The following CCNY variants were observed in gnomAD, a reference collection of about 807,000 sequenced individuals.
CCNY encodes cyclin-Y.
A neutral mutation model predicts 42.8 loss-of-function variants in CCNY; 19 were observed. That is an observed-to-expected ratio of 0.44 (90% CI 0.31 to 0.65). The LOEUF (loss-of-function observed/expected upper bound fraction) is 0.65. Ranked by LOEUF, CCNY falls within the 30% of genes least tolerant of loss-of-function variation. The pLI is 0.07. For missense variants in CCNY, 370 were observed against 437.3 expected (o/e 0.85, Z 1.37); for synonymous variants, 165 against 162.7 (o/e 1.01, Z -0.11).
At chr10:35,398,605 TGTC>T (rs1278278289) in intron 1 of CCNY, among the ~76,000 whole-genome samples, 7 of 152,142 alleles carry the variant, frequency 4.6e-5, no homozygotes, top group Admixed American at 2.0e-4. Flanking sequence ...GTTCTCGAGA[TGTC>T]ATTGTGTAAT....
intron 1 of CCNY, among the ~76,000 whole-genome samples, chr10:35,367,667 G>C (rs539184239): frequency 5.3e-5 from 8 of 152,332 alleles, no homozygotes; most frequent in Non-Finnish European, 8.8e-5. Flanking sequence ...ACACCTTCCT[G>C]CTGCTGCCTG....
chr10:35,281,771 T>G (rs1835301129), intron 3 of CCNY, among the ~76,000 whole-genome samples: 1 of 152,184 alleles, frequency 6.6e-6, no homozygotes, highest in Admixed American at 6.6e-5. Flanking sequence ...GAGGAACTAC[T>G]GATACATGCT....
At chr10:35,453,963 TA>T (rs1838975318) in intron 1 of CCNY, among the ~76,000 whole-genome samples, 1 of 152,230 alleles carries the variant, frequency 6.6e-6, no homozygotes, top group African/African-American at 2.4e-5. Flanking sequence ...TTCCATTTTT[TA>T]AAAAAGATGA....
At chr10:35,429,961 G>A (rs141371230) in intron 1 of CCNY, among the ~76,000 whole-genome samples, 27 of 152,270 alleles carry the variant, frequency 1.8e-4, no homozygotes, top group Non-Finnish European at 2.5e-4. Context: ...TGAAAGAACA[G>A]CTTTGGAACA....
intron 7 of CCNY, among the ~76,000 whole-genome samples, chr10:35,548,663 T>G (rs1186580324): frequency 2.0e-5 from 3 of 152,166 alleles, no homozygotes; most frequent in South Asian, 2.1e-4. Context: ...CTGGTTGTTT[T>G]CGCGTTGAGT....
intron 2 of CCNY, among the ~76,000 whole-genome samples, chr10:35,485,079 G>C (rs952551199): frequency 5.3e-5 from 8 of 152,142 alleles, no homozygotes; most frequent in Non-Finnish European, 1.0e-4. Context: ...TTAAATGCTT[G>C]ATCTTTCTAC....
At chr10:35,474,388 A>T (rs1839458760) in intron 1 of CCNY, among the ~76,000 whole-genome samples, 1 of 152,358 alleles carries the variant, frequency 6.6e-6, no homozygotes, top group Admixed American at 6.5e-5. Context: ...TGCAGACTTA[A>T]ATGTCCCTGT....
At chr10:35,464,292 G>C (rs1031192111) in intron 1 of CCNY, among the ~76,000 whole-genome samples, 1 of 152,062 alleles carries the variant, frequency 6.6e-6, no homozygotes, top group Non-Finnish European at 1.5e-5. Flanking sequence ...GGTGCATCCC[G>C]TCTCCTCCAG....
At chr10:35,286,690 C>T (rs60827429) in intron 3 of CCNY, among the ~76,000 whole-genome samples, 4,567 of 129,772 alleles carry the variant, frequency 0.035, 89 homozygotes, top group Middle Eastern at 0.045. Context: ...TGGAGTGTCT[C>T]GCTCTGTTGC....
At chr10:35,437,904 A>G (rs2135290216) in intron 1 of CCNY, among the ~76,000 whole-genome samples, 1 of 152,290 alleles carries the variant, frequency 6.6e-6, no homozygotes, top group South Asian at 2.1e-4. Context: ...AATTAACAAT[A>G]CTAAATAGAT....
At chr10:35,565,000 C>T (rs1841540251) in intron 8 of CCNY, among the ~76,000 whole-genome samples, 1 of 151,174 alleles carries the variant, frequency 6.6e-6, no homozygotes, top group African/African-American at 2.5e-5. Flanking sequence ...TGTGGGTGGG[C>T]ACCCCTGGGG....
intron 8 of CCNY, among the ~76,000 whole-genome samples, chr10:35,558,204 C>T (rs544188054): frequency 2.2e-4 from 34 of 152,308 alleles, no homozygotes; most frequent in African/African-American, 7.7e-4. Flanking sequence ...CTGGGTTCCT[C>T]AGAGGGAGTT....
intron 3 of CCNY, among the ~76,000 whole-genome samples, chr10:35,292,186 C>T (rs969176366): frequency 6.6e-6 from 1 of 151,936 alleles, no homozygotes; most frequent in African/African-American, 2.4e-5. Flanking sequence ...AATTTTTGCC[C>T]ATTTTTACTT....
At chr10:35,399,106 C>T (rs555421622) in intron 1 of CCNY, among the ~76,000 whole-genome samples, 1 of 152,334 alleles carries the variant, frequency 6.6e-6, no homozygotes, top group Admixed American at 6.5e-5. Context: ...AAAGCATGAG[C>T]TGATTGGGTT....
chr10:35,414,230 G>A (rs1426459254), intron 1 of CCNY, among the ~76,000 whole-genome samples: 1 of 152,200 alleles, frequency 6.6e-6, no homozygotes, highest in African/African-American at 2.4e-5. Context: ...CTGCAGTCAA[G>A]ATACTTCCAT....
At chr10:35,482,749 G>GTGT (rs1554793734) in intron 1 of CCNY, among the ~76,000 whole-genome samples, 1 of 128,844 alleles carries the variant, frequency 7.8e-6, no homozygotes, top group Non-Finnish European at 1.6e-5. Flanking sequence ...GCTGGAAATA[G>GTGT]GTGTGTGTGT....
chr10:35,338,408 G>T (rs1316379105), intron 1 of CCNY, among the ~76,000 whole-genome samples: 1 of 152,214 alleles, frequency 6.6e-6, no homozygotes, highest in Non-Finnish European at 1.5e-5. Flanking sequence ...TACGCGCTTA[G>T]TAAATTATGG....
Position 35,569,919 on chromosome 10 carries a change from A to G in CCNY, c.*749A>G, listed in dbSNP as rs1841652893. On this transcript the variant is annotated 3_prime_UTR_variant, in exon 10 of 10. Transcript: ENST00000374704. ...TCACCCCAAGAACATTCTAGATCAC[A>G]TGGGTGCTTGTGCCTTCCGATTTTC... 1 of 152,670 alleles carries G rather than the reference A, an allele frequency of 6.6e-6. No homozygotes were observed. Among genetic ancestry groups the G allele is most frequent in the African/African-American group, 2.4e-5 (1 of 41,408 alleles). The allele number at this position is 152,670 out of a possible 1,614,324, so 9.5% of individuals were successfully genotyped here. A position where few individuals can be genotyped will look rare whatever the true frequency, so the allele number is the denominator to read the frequency against.
chr10:35,298,833 G>GT (rs1274815544), intron 3 of CCNY, among the ~76,000 whole-genome samples: 2 of 152,050 alleles, frequency 1.3e-5, no homozygotes, highest in Non-Finnish European at 2.9e-5. Context: ...TGTTGTTGTT[G>GT]TTTTTTTGTA....
Sources: allele counts gnomAD v4.1 joint callset (sites outside exome capture counted in the v4.1 genomes callset), GRCh38; gene constraint gnomAD v4.1.1; transcripts MANE v1.5; gene names NCBI Gene and HGNC (gene_info 2026-07-23, HGNC 2026-07-21).